CHL1: variants seen among roughly 807,000 people sequenced by gnomAD.
CHL1 encodes the protein cell adhesion molecule L1 like.
A neutral mutation model predicts 141.9 loss-of-function variants in CHL1; 96 were observed. The observed-to-expected ratio is 0.68, with a 90% CI of 0.57 to 0.80. The LOEUF is 0.80. CHL1 is among the 30% of genes least tolerant of loss of function. The pLI, the probability that CHL1 is intolerant of heterozygous loss-of-function variation, is 0.00. For synonymous variants in CHL1, 613 were observed against 502.2 expected (o/e 1.22, Z -2.95); for missense variants, 1,820 against 1,457.2 (o/e 1.25, Z -4.05).
chr3:298,251 TAA>T (rs747480330), intron 2 of CHL1, among the ~76,000 whole-genome samples: 131 of 152,198 alleles, frequency 8.6e-4, no homozygotes, highest in Admixed American at 5.0e-3. Context: ...GTCGAATTGC[TAA>T]AAAGAGACCC....
Position 276,467 on chromosome 3 carries a change from C to T in CHL1, c.-95+31775C>T, listed in dbSNP as rs569881265. ...GCATGATTGGAATCCAGTGACTCAA[C>T]TGCCTTTGACCATGAGGTTTCAATA... On this transcript the variant is annotated intron_variant, in intron 2 of 27. Transcript: ENST00000256509. Among the ~76,000 whole-genome samples the T allele has an allele frequency of 2.0e-5, 3 of 152,288 alleles. No homozygotes were observed. In the East Asian group the frequency reaches 5.8e-4, roughly 29 times the overall value.
rs574391188 is a variant in CHL1 at position 236,364 on chromosome 3, C to T, written c.-174-8249C>T. 3.3e-5 allele frequency among the ~76,000 whole-genome samples: 5 copies of T among 152,238 alleles called. No homozygotes were observed. In the East Asian group the frequency reaches 9.7e-4, roughly 29 times the overall value. On this transcript the variant is annotated intron_variant, in intron 1 of 27. Transcript: ENST00000256509. ...AAAACCCCAAAGTGTCTGAGTGTTA[C>T]TGATATCATCAATCAGCCCCAGGTC...
At chr3:307,439 G>A (rs1157932750) in intron 2 of CHL1, among the ~76,000 whole-genome samples, 1 of 152,164 alleles carries the variant, frequency 6.6e-6, no homozygotes, top group Non-Finnish European at 1.5e-5. Flanking sequence ...CTTCACTAGA[G>A]GCAGATGAGA....
At chr3:357,929 G>C (rs958032014) in intron 11 of CHL1, among the ~76,000 whole-genome samples, 2 of 152,184 alleles carry the variant, frequency 1.3e-5, no homozygotes, top group Admixed American at 1.3e-4. Context: ...GAAGTGAAGA[G>C]TGGGATTAGA....
intron 5 of CHL1, among the ~76,000 whole-genome samples, chr3:328,802 G>C (rs1701214515): frequency 6.6e-6 from 1 of 152,108 alleles, no homozygotes; most frequent in Non-Finnish European, 1.5e-5. Context: ...GTTGCCTCTT[G>C]TGAAACATGC....
chr3:234,993 CTAT>C (rs67249915), intron 1 of CHL1, among the ~76,000 whole-genome samples: 2,578 of 148,346 alleles, frequency 0.017, 58 homozygotes, highest in African/African-American at 0.06. Flanking sequence ...TTTTTTATTA[CTAT>C]TATTATTATT....
chr3:365,830 C>A, intron 14 of CHL1, 120 bp from the exon 15 acceptor site: 2 of 676,014 alleles, frequency 3.0e-6, no homozygotes, highest in South Asian at 4.2e-5. Context: ...TACAGTGGGA[C>A]AAACCCTGCA....
chr3:278,438 G>A (rs1167802416), intron 2 of CHL1, among the ~76,000 whole-genome samples: 2 of 152,178 alleles, frequency 1.3e-5, no homozygotes, highest in South Asian at 2.1e-4. Flanking sequence ...CCTGTCACAA[G>A]ATCTTGCATG....
chr3:320,767 A>G (rs1252679109), intron 3 of CHL1, among the ~76,000 whole-genome samples: 3 of 152,084 alleles, frequency 2.0e-5, no homozygotes, highest in Non-Finnish European at 4.4e-5. Flanking sequence ...TCTGCCATGT[A>G]TAGATCTTGC....
intron 2 of CHL1, among the ~76,000 whole-genome samples, chr3:286,092 G>C (rs1697111944): frequency 6.6e-6 from 1 of 152,028 alleles, no homozygotes; most frequent in Admixed American, 6.6e-5. Flanking sequence ...CCAAGTTAGA[G>C]ATCCCCTTCC....
chr3:282,908 A>G (rs1696793618), intron 2 of CHL1: 1 of 152,220 alleles, frequency 6.6e-6, no homozygotes, highest in Non-Finnish European at 1.5e-5. Flanking sequence ...TATACTGTAT[A>G]GAATACAGGG....
At chr3:205,378 T>C (rs1022792969) in intron 1 of CHL1, among the ~76,000 whole-genome samples, 1 of 152,174 alleles carries the variant, frequency 6.6e-6, no homozygotes, top group African/African-American at 2.4e-5. Context: ...CCTCTCAAAG[T>C]ACTGGGATTA....
intron 27 of CHL1, among the ~76,000 whole-genome samples, chr3:402,480 C>T (rs1709221302): frequency 6.6e-6 from 1 of 152,168 alleles, no homozygotes; most frequent in African/African-American, 2.4e-5. Flanking sequence ...CATCATTTTT[C>T]TCAGGTCTCC....
At chr3:242,026 T>G (rs1692621431) in intron 1 of CHL1, among the ~76,000 whole-genome samples, 1 of 152,196 alleles carries the variant, frequency 6.6e-6, no homozygotes, top group African/African-American at 2.4e-5. Context: ...ATTGTGTATA[T>G]ACCCTTATCT....
Position 399,106 on chromosome 3 carries a change from A to T in CHL1, c.3343A>T (p.Thr1115Ser), listed in dbSNP as rs1208064585. The change falls in exon 26 of 28, where the codon ACT (threonine) becomes TCT (serine). Residue 1115 changes from threonine (T) to serine (S), a missense_variant. Thr to Ser is a moderately conservative substitution (Grantham distance 58). Coordinates refer to ENST00000256509, the MANE Select transcript of CHL1 (RefSeq NM_006614.4). ...AIALLTLLLL[T>S]VCFVKRNRGG... is the part of the protein sequence containing the mutation. ...TGCTCTTCTCACACTACTATTATTA[A>T]CTGTTTGCTTTGTGAAGAGGAATAG... The T allele has an allele frequency of 1.9e-6, 3 of 1,609,524 alleles. No individual in the cohort carries two copies. Among genetic ancestry groups the T allele is most frequent in the Non-Finnish European group, 2.6e-6 (3 of 1,175,872 alleles).
At chr3:310,376 A>G (rs988973795) in intron 2 of CHL1, among the ~76,000 whole-genome samples, 1 of 152,204 alleles carries the variant, frequency 6.6e-6, no homozygotes, top group East Asian at 1.9e-4. Flanking sequence ...AGACTGAGTG[A>G]TTTCACCACT....
chr3:214,953 C>T (rs892922068), intron 1 of CHL1, among the ~76,000 whole-genome samples: 3 of 66,502 alleles, frequency 4.5e-5, no homozygotes, highest in Admixed American at 3.6e-4. Flanking sequence ...AGCATGTGCA[C>T]GTGCACACAC....
rs768212191 is a variant in CHL1 at position 197,630 on chromosome 3, C to G, written c.-175+567C>G. 3.5e-4 allele frequency: 121 copies of G among 346,378 alleles called. 1 individual carries two copies. The East Asian group carries it at 8.0e-3, about 23-fold the overall frequency. The allele number at this position is 346,378 out of a possible 1,614,324, so 21.5% of individuals were successfully genotyped here. On this transcript the variant is annotated intron_variant, in intron 1 of 27. Transcript: ENST00000256509. ...CAGGAGAGGATTCTAGATCCCAGCC[C>G]GGGGGGGGTTCCGAAAATGCCGCCA...
intron 1 of CHL1, among the ~76,000 whole-genome samples, chr3:226,374 T>TTATATATA (rs56305108): frequency 0.052 from 7,493 of 144,244 alleles, 216 homozygotes; most frequent in Non-Finnish European, 0.07. Context: ...ATAGAATATT[T>TTATATATA]TATATATATA....
Sources: gnomAD v4.1 joint callset for allele counts (sites outside exome capture counted in the v4.1 genomes callset) on GRCh38, gnomAD v4.1.1 for gene constraint, MANE v1.5 for transcripts, NCBI Gene and HGNC (gene_info 2026-07-23, HGNC 2026-07-21) for gene names.